Variants in KCNMA1 observed in about 807,000 individuals in gnomAD.
The protein encoded by KCNMA1 is potassium calcium-activated channel subfamily M alpha 1, also known as Calcium-activated potassium channel subunit alpha-1.
KCNMA1 carries 29 observed loss-of-function variants against 140.0 expected under a neutral mutation model. The observed-to-expected ratio is 0.21, with a 90% confidence interval of 0.15 to 0.28. The LOEUF is 0.28. KCNMA1 is among the 10% of genes least tolerant of loss of function. The pLI, the probability that KCNMA1 is intolerant of heterozygous loss-of-function variation, is 1.00. For synonymous variants in KCNMA1, 612 were observed against 611.9 expected (o/e 1.00, Z 0.00); for missense variants, 880 against 1,602.2 (o/e 0.55, Z 7.70).
chr10:77,170,387 C>T (rs1287683979), intron 5 of KCNMA1, among the ~76,000 whole-genome samples: 1 of 152,050 alleles, frequency 6.6e-6, no homozygotes, highest in African/African-American at 2.4e-5. Context: ...CTAAGAGAGC[C>T]CTTCCCTCGA....
intron 3 of KCNMA1, among the ~76,000 whole-genome samples, chr10:77,195,600 C>T (rs548359536): frequency 1.3e-5 from 2 of 152,008 alleles, no homozygotes; most frequent in East Asian, 3.9e-4. Flanking sequence ...TTCTAATTAA[C>T]ATTGAAAATC....
chr10:76,996,895 T>A (rs2084552290), intron 19 of KCNMA1, among the ~76,000 whole-genome samples: 1 of 152,190 alleles, frequency 6.6e-6, no homozygotes, highest in African/African-American at 2.4e-5. Flanking sequence ...AGGAATGAGA[T>A]AATTATAGGC....
intron 22 of KCNMA1, among the ~76,000 whole-genome samples, chr10:76,948,361 T>C (rs1303195579): frequency 2.0e-5 from 3 of 152,098 alleles, no homozygotes; most frequent in Admixed American, 2.0e-4. Flanking sequence ...GGAGGATAAG[T>C]GAGATTTGCA....
chr10:77,043,397 A>T (rs996993787), intron 14 of KCNMA1, among the ~76,000 whole-genome samples: 1 of 152,228 alleles, frequency 6.6e-6, no homozygotes, highest in Non-Finnish European at 1.5e-5. Flanking sequence ...AGTTGGTGGG[A>T]ATGTAAAGTG....
chr10:77,449,254 G>A (rs1213342304), intron 1 of KCNMA1, among the ~76,000 whole-genome samples: 1 of 152,000 alleles, frequency 6.6e-6, no homozygotes, highest in East Asian at 1.9e-4. Context: ...GAAATAAACT[G>A]GCAAGAAACT....
chr10:77,306,253 G>C (rs1171969909), intron 2 of KCNMA1, among the ~76,000 whole-genome samples: 1 of 152,212 alleles, frequency 6.6e-6, no homozygotes, highest in African/African-American at 2.4e-5. Context: ...AGAGGAGACA[G>C]ACACTAAACA....
At chr10:77,468,748 AG>A (rs112067255) in intron 1 of KCNMA1, among the ~76,000 whole-genome samples, 55 of 152,210 alleles carry the variant, frequency 3.6e-4, no homozygotes, top group African/African-American at 9.9e-4. Context: ...CAGCAGGCCT[AG>A]CAAACTAATA....
downstream of KCNMA1, among the ~76,000 whole-genome samples, chr10:76,880,535 T>A (rs1433142659): frequency 6.6e-6 from 1 of 152,162 alleles, no homozygotes; most frequent in Non-Finnish European, 1.5e-5. Flanking sequence ...GCTCTGGGCG[T>A]TTTACTAAAA....
chr10:77,235,014 A>C (rs913318892), intron 3 of KCNMA1, among the ~76,000 whole-genome samples: 1 of 152,214 alleles, frequency 6.6e-6, no homozygotes, highest in African/African-American at 2.4e-5. Context: ...CCACAGCAGG[A>C]AAACCCCTTA....
intron 9 of KCNMA1, among the ~76,000 whole-genome samples, chr10:77,107,924 C>T (rs2097229792): frequency 1.3e-5 from 2 of 152,134 alleles, no homozygotes; most frequent in Non-Finnish European, 2.9e-5. Context: ...TTGCTACACA[C>T]AAACCACCAT....
At chr10:77,023,267 T>C (rs376979943) in intron 16 of KCNMA1, among the ~76,000 whole-genome samples, 7 of 152,310 alleles carry the variant, frequency 4.6e-5, no homozygotes, top group East Asian at 1.9e-4. Flanking sequence ...TTCCTGTTTC[T>C]GAAGACAACC....
At chr10:77,497,597 C>T (rs902223131) in intron 1 of KCNMA1, among the ~76,000 whole-genome samples, 4 of 152,186 alleles carry the variant, frequency 2.6e-5, no homozygotes, top group Non-Finnish European at 5.9e-5. Flanking sequence ...GCAGGGGACC[C>T]AACCTATATT....
intron 2 of KCNMA1, among the ~76,000 whole-genome samples, chr10:77,269,138 C>T (rs2064280472): frequency 6.6e-6 from 1 of 152,166 alleles, no homozygotes. Flanking sequence ...CCCCCTTTCC[C>T]CGAAAAGTAT....
chr10:77,245,909 C>T (rs1036690187), intron 3 of KCNMA1, among the ~76,000 whole-genome samples: 5 of 152,156 alleles, frequency 3.3e-5, no homozygotes, highest in African/African-American at 1.2e-4. Context: ...AAGCTGGTCT[C>T]ATCAAGCCAT....
intron 19 of KCNMA1, chr10:76,974,198 C>T (rs1423437574): frequency 9.2e-6 from 3 of 325,830 alleles, no homozygotes; most frequent in Non-Finnish European, 1.7e-5. Flanking sequence ...TGGAGTCACT[C>T]AGAATAAGAG....
intron 12 of KCNMA1, among the ~76,000 whole-genome samples, chr10:77,080,870 A>G (rs1378090088): frequency 6.6e-6 from 1 of 152,226 alleles, no homozygotes; most frequent in African/African-American, 2.4e-5. Context: ...TAATTGTGAC[A>G]CATGCTTGGC....
At chr10:77,170,687 T>C (rs2098696487) in intron 5 of KCNMA1, among the ~76,000 whole-genome samples, 3 of 152,216 alleles carry the variant, frequency 2.0e-5, no homozygotes, top group Admixed American at 6.5e-5. Flanking sequence ...TCTATTTTCC[T>C]GAATGAGTTG....
intron 1 of KCNMA1, among the ~76,000 whole-genome samples, chr10:77,548,664 G>A (rs816869): frequency 0.088 from 13,370 of 152,254 alleles, 743 homozygotes; most frequent in Admixed American, 0.14. Context: ...CATCAGGACT[G>A]AGGAGACTCA....
intron 2 of KCNMA1, among the ~76,000 whole-genome samples, chr10:77,258,118 T>C (rs1307301331): frequency 1.3e-5 from 2 of 152,148 alleles, no homozygotes; most frequent in Admixed American, 1.3e-4. Flanking sequence ...TGTGAAATAA[T>C]GAGATTGAAA....
Sources: allele counts gnomAD v4.1 joint callset (sites outside exome capture counted in the v4.1 genomes callset), GRCh38; gene constraint gnomAD v4.1.1; transcripts MANE v1.5; gene names NCBI Gene and HGNC (gene_info 2026-07-23, HGNC 2026-07-21).